The following NRXN1 variants were observed in gnomAD, a reference collection of about 807,000 sequenced individuals.
NRXN1 encodes the protein neurexin 1.
In NRXN1, 39 loss-of-function variants were observed where a neutral mutation model predicts 150.9. The observed-to-expected ratio is 0.26, with a 90% confidence interval of 0.20 to 0.34. NRXN1 has a LOEUF of 0.34. NRXN1 is among the 10% of genes least tolerant of loss of function. NRXN1 has a pLI of 1.00. For missense variants in NRXN1, 1,815 were observed against 1,949.9 expected (o/e 0.93, Z 1.30); for synonymous variants, 924 against 757.0 (o/e 1.22, Z -3.62).
At chr2:50,892,750 A>G (rs1172033688) in intron 5 of NRXN1, among the ~76,000 whole-genome samples, 1 of 152,184 alleles carries the variant, frequency 6.6e-6, no homozygotes, top group Non-Finnish European at 1.5e-5. Context: ...ACATATATTT[A>G]TTCATAACAT....
intron 17 of NRXN1, among the ~76,000 whole-genome samples, chr2:50,391,786 A>C (rs963343977): frequency 2.6e-5 from 4 of 152,124 alleles, no homozygotes; most frequent in Non-Finnish European, 5.9e-5. Context: ...GGCTGCAACA[A>C]ATGGCTTAGG....
chr2:50,019,116 G>A, intron 21 of NRXN1: 1 of 431,572 alleles, frequency 2.3e-6, no homozygotes, highest in Non-Finnish European at 4.8e-6. Flanking sequence ...CCTCATCTGT[G>A]CTTTCATCAT....
At position 50,021,654 on chromosome 2, in the gene NRXN1, GCTGT is replaced by G. The variant is rs143948605; in HGVS notation, c.4128+31613_4128+31616del. Among the ~76,000 whole-genome samples the G allele has an allele frequency of 9.5e-3, 1,448 of 152,250 alleles. 23 individuals are homozygous for G. Among genetic ancestry groups the G allele is most frequent in the African/African-American group, 0.033 (1,369 of 41,550 alleles). ...GTTAAAGCCAGGAGAATTCTTTAGT[GCTGT>G]CTTTCTAGACGTTAGAATTTCTCAA... is the stretch of plus-strand genomic sequence containing the variant. On this transcript the variant is annotated intron_variant, in intron 21 of 22. Transcript: ENST00000401669.
rs568297611 is a variant in NRXN1, at chr2:50,939,568, C to CT, written c.773-13614dup. ...TGATCTCAAGCAACTTTTCTTTTCT[C>CT]TAACAATTTGCCTTGATAAACTTCA... is the stretch of plus-strand genomic sequence containing the variant. On this transcript the variant is annotated intron_variant, in intron 2 of 22. Coordinates refer to ENST00000401669, the MANE Select transcript of NRXN1 (RefSeq NM_001330078.2). Among the ~76,000 whole-genome samples, 16 of 152,080 alleles carry CT rather than the reference C, an allele frequency of 1.1e-4. No homozygotes were observed. The East Asian group carries it at 2.9e-3, about 28-fold the overall frequency.
chr2:50,457,831 A>G (rs771303543), intron 17 of NRXN1, among the ~76,000 whole-genome samples: 5 of 152,140 alleles, frequency 3.3e-5, no homozygotes, highest in African/African-American at 4.8e-5. Flanking sequence ...GACATAAAAT[A>G]ACACATGCTG....
intron 17 of NRXN1, among the ~76,000 whole-genome samples, chr2:50,297,318 G>A (rs750538016): frequency 2.4e-4 from 36 of 152,184 alleles, no homozygotes; most frequent in Admixed American, 3.3e-4. Context: ...AAGAACCATG[G>A]AGTTGGCAAT....
In NRXN1 at chr2:51,028,173, G is replaced by A; in HGVS notation, c.101C>T (p.Pro34Leu). Reference sequence around the variant, plus strand: ...GCGCGTCCATTGGCCCTCGGCGCCCGGAAACTCCAGCCCGCTGCCCAGCTC... The same window carrying A: ...GCGCGTCCATTGGCCCTCGGCGCCCAGAAACTCCAGCCCGCTGCCCAGCTC... ...WAELGSGLEF[P>L]GAEGQWTRFP... The change falls in exon 2 of 23, where the codon CCG (proline) becomes CTG (leucine). Residue 34 changes from proline (P) to leucine (L), a missense_variant. Pro to Leu is a moderately conservative substitution (Grantham distance 98). Transcript: ENST00000401669. The A allele has an allele frequency of 6.6e-7, 1 of 1,514,576 alleles. No homozygotes were observed. The highest frequency in any genetic ancestry group is 8.8e-7 in the Non-Finnish European group (1 of 1,135,062). 93.8% of individuals were successfully genotyped at this position (1,514,576 alleles called of 1,614,324 possible). A position where few individuals can be genotyped will look rare whatever the true frequency, so the allele number is the denominator to read the frequency against.
At chr2:50,386,445 A>C (rs568847783) in intron 17 of NRXN1, among the ~76,000 whole-genome samples, 1 of 152,096 alleles carries the variant, frequency 6.6e-6, no homozygotes, top group African/African-American at 2.4e-5. Flanking sequence ...ATTTCAACTA[A>C]TGAGTCTTAC....
At chr2:49,990,977 C>G (rs1681836856) in intron 21 of NRXN1, among the ~76,000 whole-genome samples, 4 of 151,984 alleles carry the variant, frequency 2.6e-5, no homozygotes. Flanking sequence ...AGAATTGACA[C>G]AAATAACTCC....
At chr2:50,620,987 C>T (rs1192048314) in intron 7 of NRXN1, 2 of 448,142 alleles carry the variant, frequency 4.5e-6, no homozygotes, top group Admixed American at 4.1e-5. Flanking sequence ...GCAAAACGTT[C>T]GAAACGTTAA....
chr2:50,677,727 A>G (rs1295783641), intron 5 of NRXN1, among the ~76,000 whole-genome samples: 1 of 152,140 alleles, frequency 6.6e-6, no homozygotes, highest in Non-Finnish European at 1.5e-5. Context: ...TCATTAAAGA[A>G]GTCCAGATAT....
chr2:50,066,651 A>C (rs1695406439), intron 19 of NRXN1, among the ~76,000 whole-genome samples: 1 of 152,324 alleles, frequency 6.6e-6, no homozygotes, highest in African/African-American at 2.4e-5. Context: ...GTCTCAAAAT[A>C]TAATTACAAG....
chr2:50,909,011 A>G (rs1684150108), intron 5 of NRXN1, among the ~76,000 whole-genome samples: 1 of 152,126 alleles, frequency 6.6e-6, no homozygotes, highest in Non-Finnish European at 1.5e-5. Flanking sequence ...ATTTTCTTAT[A>G]GCAACAAAAA....
chr2:50,648,093 A>G (rs952762599), intron 5 of NRXN1, among the ~76,000 whole-genome samples: 2 of 152,016 alleles, frequency 1.3e-5, no homozygotes, highest in African/African-American at 4.8e-5. Context: ...GACTCATTTC[A>G]TTATATGCAT....
intron 15 of NRXN1, 80 bp downstream of exon 15, chr2:50,495,825 C>A: frequency 7.9e-7 from 1 of 1,257,964 alleles, no homozygotes; most frequent in Non-Finnish European, 1.1e-6. Context: ...GGTACAAACA[C>A]ACCCCTAAGC....
At chr2:50,179,857 G>T (rs550906415) in intron 18 of NRXN1, among the ~76,000 whole-genome samples, 1 of 152,152 alleles carries the variant, frequency 6.6e-6, no homozygotes, top group African/African-American at 2.4e-5. Flanking sequence ...GATCGAAACT[G>T]CCTGCTGCTC....
chr2:50,029,814 A>G (rs1688924056), intron 21 of NRXN1, among the ~76,000 whole-genome samples: 2 of 152,190 alleles, frequency 1.3e-5, no homozygotes, highest in South Asian at 4.1e-4. Flanking sequence ...CTATTTGACT[A>G]GAGGGACTTT....
intron 8 of NRXN1, among the ~76,000 whole-genome samples, chr2:50,582,995 T>C (rs1162590794): frequency 6.6e-6 from 1 of 152,082 alleles, no homozygotes; most frequent in African/African-American, 2.4e-5. Context: ...CTTCTCTCTT[T>C]TCTCTCTGAT....
At chr2:50,178,244 A>C (rs956725778) in intron 18 of NRXN1, among the ~76,000 whole-genome samples, 1 of 152,038 alleles carries the variant, frequency 6.6e-6, no homozygotes, top group Non-Finnish European at 1.5e-5. Flanking sequence ...CAATGCCAGC[A>C]ACAGATTGGC....
Sources: allele counts gnomAD v4.1 joint callset (sites outside exome capture counted in the v4.1 genomes callset), GRCh38; gene constraint gnomAD v4.1.1; transcripts MANE v1.5; gene names NCBI Gene and HGNC (gene_info 2026-07-23, HGNC 2026-07-21).